Variants in VIRMA observed in about 807,000 individuals in gnomAD.
The protein encoded by VIRMA is protein virilizer homolog.
A neutral mutation model predicts 182.4 loss-of-function variants in VIRMA; 65 were observed. That is an observed-to-expected ratio of 0.36 (90% CI 0.29 to 0.44). The LOEUF (loss-of-function observed/expected upper bound fraction) is 0.44, where lower values mean the gene tolerates loss of function less well. VIRMA is among the 20% of genes least tolerant of loss of function. The probability of loss-of-function intolerance (pLI) is 1.00; values close to 1 mark genes in which losing one functional copy is unlikely to be tolerated. For missense variants in VIRMA, 1,752 were observed against 2,158.1 expected (o/e 0.81, Z 3.73); for synonymous variants, 709 against 743.1 (o/e 0.95, Z 0.75).
At chr8:94,552,702 G>C (rs1202288781) in intron 1 of VIRMA, among the ~76,000 whole-genome samples, 1 of 152,128 alleles carries the variant, frequency 6.6e-6, no homozygotes, top group Non-Finnish European at 1.5e-5. Flanking sequence ...CGCTCAAGTA[G>C]TTTTGTACAG....
intron 7 of VIRMA, among the ~76,000 whole-genome samples, chr8:94,527,717 G>T (rs1250687504): frequency 2.6e-5 from 4 of 151,972 alleles, no homozygotes; most frequent in Non-Finnish European, 5.9e-5. Flanking sequence ...CAGGAGGAAA[G>T]AAATTATGCT....
chr8:94,495,800 G>C lies in VIRMA; in HGVS notation c.4475C>G (p.Pro1492Arg). Residue 1492 changes from proline (P) to arginine (R), a missense_variant, in exon 19 of 24, where the codon CCT (proline) becomes CGT (arginine). Pro to Arg is a moderately radical substitution (Grantham distance 103). Coordinates refer to ENST00000297591, the MANE Select transcript of VIRMA (RefSeq NM_015496.5). ...TGGTTCTACATCCTGGTCACTGAGAGGTAAAGGGTCACCTGATGACTCCAG... is the reference window on the plus strand; with the variant it reads ...TGGTTCTACATCCTGGTCACTGAGACGTAAAGGGTCACCTGATGACTCCAG... ...QMLESSGDPLPLSDQDVEPVL... is the reference protein window; with the variant it reads ...QMLESSGDPLRLSDQDVEPVL... 6.2e-7 allele frequency: 1 copy of C among 1,613,884 alleles called. No homozygotes were observed. The highest frequency in any genetic ancestry group is 2.2e-5 in the East Asian group (1 of 44,858).
chr8:94,514,879 TACTC>T lies in VIRMA; in HGVS notation c.2737_2740del (p.Glu913MetfsTer9), dbSNP rs763110805. The T allele has an allele frequency of 1.9e-6, 3 of 1,571,566 alleles. No individual in the cohort carries two copies. Among genetic ancestry groups the T allele is most frequent in the Non-Finnish European group, 1.7e-6 (2 of 1,149,002 alleles). On this transcript the variant is annotated frameshift_variant, in exon 11 of 24. Coordinates refer to ENST00000297591, the MANE Select transcript of VIRMA (RefSeq NM_015496.5). LOFTEE classifies it high-confidence loss of function. ...AAGTTTTACACTTACCTGCTTAACA[TACTC>T]AATTAAGTTTGGGATGCAGTTAATT...
chr8:94,519,057 T>C lies in VIRMA; in HGVS notation c.2441A>G (p.His814Arg). The C allele has an allele frequency of 6.2e-7, 1 of 1,613,896 alleles. No individual in the cohort carries two copies. The highest frequency in any genetic ancestry group is 1.1e-5 in the South Asian group (1 of 91,064). Reference sequence around the variant, plus strand: ...GAGATTTTTCTCCAGACTAAAAACATGGCCAACAGCTGATCTTCCCACAGG... The same window carrying C: ...GAGATTTTTCTCCAGACTAAAAACACGGCCAACAGCTGATCTTCCCACAGG... ...FNPVGRSAVG[H>R]VFSLEKNLQS... The change falls in exon 9 of 24, where the codon CAT (histidine) becomes CGT (arginine). Residue 814 changes from histidine (H) to arginine (R), a missense_variant. Around this residue, in one of 11 missense-constraint regions of VIRMA, gnomAD observed 777 missense variants for 920.6 expected, o/e 0.84. Transcript: ENST00000297591.
At position 94,525,608 on chromosome 8, in the gene VIRMA, A is replaced by G. The variant is rs114387734; in HGVS notation, c.2021+615T>C. Among the ~76,000 whole-genome samples the G allele has an allele frequency of 6.6e-3, 1,003 of 152,348 alleles. 7 individuals carry two copies. The highest frequency in any genetic ancestry group is 0.023 in the African/African-American group (947 of 41,576). On this transcript the variant is annotated intron_variant, in intron 8 of 23. Coordinates refer to ENST00000297591, the MANE Select transcript of VIRMA (RefSeq NM_015496.5). ...ATTAATCACAAAAATAAGTAATAAA[A>G]TAATTCAAATGCCATTTTTCCATTT...
intron 5 of VIRMA, chr8:94,533,614 CTTTTT>C (rs60590655): frequency 0.17 from 20,659 of 119,598 alleles, 1,905 homozygotes; most frequent in South Asian, 0.34. Flanking sequence ...CTAATTCTTT[CTTTTT>C]TTTTTTTTTT....
In VIRMA at chr8:94,488,854, C is replaced by A. The variant is rs200651420; in HGVS notation, c.5291G>T (p.Arg1764Leu). ...PLRPLSSTGY[R>L]PSPRDRASRG... ...AGAAGCACGGTCCCGAGGACTTGGG[C>A]GGTAACCTGTAAAAGAAAGAATACA... The change falls in exon 24 of 24, where the codon CGC (arginine) becomes CTC (leucine). Residue 1764 changes from arginine (R) to leucine (L), a missense_variant. Physicochemically the swap from Arg to Leu is moderately radical, Grantham distance 102. Transcript: ENST00000297591. 1.2e-6 allele frequency: 2 copies of A among 1,612,446 alleles called. No individual in the cohort carries two copies. The highest frequency in any genetic ancestry group is 2.7e-5 in the African/African-American group (2 of 74,796).
rs956882580 is a variant in VIRMA, at chr8:94,501,193, T to C, written c.4098-1687A>G. ...ATCACTTGAACCCAGGAGGCGCAGG[T>C]TGCAGTGAGCCGAGATCGCACCATT... is the stretch of plus-strand genomic sequence containing the variant. On this transcript the variant is annotated intron_variant, in intron 16 of 23. Coordinates refer to ENST00000297591, the MANE Select transcript of VIRMA (RefSeq NM_015496.5). Among the ~76,000 whole-genome samples, 3 of 146,332 alleles carry C rather than the reference T, an allele frequency of 2.1e-5. No individual in the cohort carries two copies. The South Asian group carries it at 6.5e-4, about 32-fold the overall frequency.
intron 16 of VIRMA, among the ~76,000 whole-genome samples, chr8:94,502,960 G>A (rs1349733619): frequency 2.0e-5 from 3 of 151,932 alleles, no homozygotes; most frequent in East Asian, 3.8e-4. Flanking sequence ...AAATAAGTAA[G>A]GATAGTATTG....
chr8:94,496,855 A>G (rs545712431), intron 17 of VIRMA: 1 of 163,214 alleles, frequency 6.1e-6, no homozygotes, highest in Non-Finnish European at 1.3e-5. Context: ...TAACACAAAC[A>G]ACTAAAGAAA....
intron 2 of VIRMA, 86 bp from the exon 3 acceptor site, chr8:94,538,432 A>G (rs1815418180): frequency 1.3e-6 from 1 of 784,672 alleles, no homozygotes; most frequent in African/African-American, 1.7e-5. Context: ...TACAAAGTTA[A>G]GAGCAATTCT....
At chr8:94,533,211 GA>G (rs1815229006) in intron 5 of VIRMA, among the ~76,000 whole-genome samples, 1 of 148,014 alleles carries the variant, frequency 6.8e-6, no homozygotes, top group Non-Finnish European at 1.5e-5. Flanking sequence ...GAAAGAAAAA[GA>G]AAACTGAAAG....
intron 13 of VIRMA, 160 bp downstream of exon 13, chr8:94,511,025 A>C: frequency 7.0e-7 from 1 of 1,418,668 alleles, no homozygotes; most frequent in South Asian, 1.7e-5. Flanking sequence ...TATTTCCTCA[A>C]TGACCAACTT....
intron 11 of VIRMA, 54 bp from the exon 12 acceptor site, chr8:94,512,143 A>C: frequency 2.4e-6 from 2 of 827,706 alleles, no homozygotes; most frequent in Non-Finnish European, 3.5e-6. Flanking sequence ...CATGAGATCA[A>C]CAGAAAATTC....
chr8:94,522,904 T>C (rs544963373), intron 8 of VIRMA, among the ~76,000 whole-genome samples: 7 of 152,310 alleles, frequency 4.6e-5, no homozygotes, highest in African/African-American at 1.7e-4. Flanking sequence ...TTCCATATTC[T>C]ACAAATAAAA....
At chr8:94,541,111 A>T (rs1470295147) in intron 2 of VIRMA, among the ~76,000 whole-genome samples, 1 of 151,414 alleles carries the variant, frequency 6.6e-6, no homozygotes, top group Admixed American at 6.6e-5. Context: ...GAGGAATTAT[A>T]ATTATTATTG....
rs976706390 is a variant in VIRMA at position 94,511,026 on chromosome 8, T to C, written c.3390+159A>G. On this transcript the variant is annotated intron_variant, in intron 13 of 23. Coordinates refer to ENST00000297591, the MANE Select transcript of VIRMA (RefSeq NM_015496.5). ...AAATGTTACCCCCATATTTCCTCAA[T>C]GACCAACTTGTTTCAGTTTTATCTC... The C allele has an allele frequency of 8.6e-5, 122 of 1,418,616 alleles. 1 individual carries two copies. Among genetic ancestry groups the C allele is most frequent in the Non-Finnish European group, 1.0e-4 (114 of 1,089,168 alleles). The allele number at this position is 1,418,616 out of a possible 1,614,324, so 87.9% of individuals were successfully genotyped here.
chr8:94,518,303 C>T (rs576148842), intron 9 of VIRMA, among the ~76,000 whole-genome samples: 4 of 152,250 alleles, frequency 2.6e-5, no homozygotes, highest in Non-Finnish European at 4.4e-5. Context: ...TAAATAGGAA[C>T]GAGTATGATC....
At chr8:94,524,607 A>G (rs1177853766) in intron 8 of VIRMA, among the ~76,000 whole-genome samples, 4 of 152,132 alleles carry the variant, frequency 2.6e-5, no homozygotes, top group Non-Finnish European at 5.9e-5. Context: ...ACCCGGCTCT[A>G]GTTTTTTATT....
Sources: allele counts gnomAD v4.1 joint callset (sites outside exome capture counted in the v4.1 genomes callset), GRCh38; gene constraint gnomAD v4.1.1; regional missense constraint gnomAD v4.1.1; transcripts MANE v1.5; gene names NCBI Gene and HGNC (gene_info 2026-07-23, HGNC 2026-07-21).